Variants in PTGFRN observed in about 807,000 individuals in gnomAD.
PTGFRN encodes the protein prostaglandin F2 receptor negative regulator.
A neutral mutation model predicts 83.2 loss-of-function variants in PTGFRN; 35 were observed. The observed-to-expected ratio is 0.42, with a 90% confidence interval of 0.32 to 0.56. The LOEUF is 0.56. Among genes scored for constraint, PTGFRN ranks in the 20% least tolerant of loss-of-function variants. The probability of loss-of-function intolerance (pLI) is 0.11; values close to 1 mark genes in which losing one functional copy is unlikely to be tolerated. For synonymous variants in PTGFRN, 519 were observed against 498.6 expected (o/e 1.04, Z -0.55); for missense variants, 1,051 against 1,179.5 (o/e 0.89, Z 1.60).
chr1:116,983,261 C>CCCACACCATAAGGCACA (rs1651371603), intron 7 of PTGFRN, among the ~76,000 whole-genome samples: 1 of 152,110 alleles, frequency 6.6e-6, no homozygotes, highest in Non-Finnish European at 1.5e-5. Flanking sequence ...GAGCCTGGCT[C>CCCACACCATAAGGCACA]CCACACCATA....
At chr1:116,965,474 G>T (rs1650797760) in intron 5 of PTGFRN, among the ~76,000 whole-genome samples, 1 of 151,904 alleles carries the variant, frequency 6.6e-6, no homozygotes, top group Admixed American at 6.6e-5. Flanking sequence ...TTAGAGGCAC[G>T]GGGTTTTGCT....
chr1:116,985,617 A>G (rs12060742), intron 8 of PTGFRN, among the ~76,000 whole-genome samples: 26,475 of 151,688 alleles, frequency 0.17, 2,492 homozygotes, highest in Middle Eastern at 0.22. Context: ...CTGAAGCAGG[A>G]GAATTGCTTG....
chr1:116,976,324 C>A (rs1214501630), intron 7 of PTGFRN, among the ~76,000 whole-genome samples: 1 of 152,104 alleles, frequency 6.6e-6, no homozygotes, highest in African/African-American at 2.4e-5. Flanking sequence ...GTAGAACTTC[C>A]CCAACCTAGC....
Position 116,938,398 on chromosome 1 carries a change from C to T in PTGFRN, c.50-3317C>T, listed in dbSNP as rs553479351. ...GGCTGAGGAAGCCTCACAATCGTGG[C>T]GGAAGGCAAGGAGGGGCAAGTGACA... is the stretch of plus-strand genomic sequence containing the variant. On this transcript the variant is annotated intron_variant, in intron 1 of 8. Transcript: ENST00000393203. Among the ~76,000 whole-genome samples the T allele has an allele frequency of 4.6e-5, 7 of 152,154 alleles. 1 individual carries two copies. Among genetic ancestry groups the T allele is most frequent in the South Asian group, 2.1e-4 (1 of 4,826 alleles).
chr1:116,968,299 A>G (rs1433586925), intron 6 of PTGFRN, among the ~76,000 whole-genome samples: 1 of 152,142 alleles, frequency 6.6e-6, no homozygotes, highest in East Asian at 1.9e-4. Flanking sequence ...TGAATGCAAG[A>G]TATTTGTTGA....
chr1:116,964,542 T>A (rs74113322), intron 5 of PTGFRN, among the ~76,000 whole-genome samples: 6,180 of 152,232 alleles, frequency 0.041, 392 homozygotes, highest in African/African-American at 0.14. Context: ...CTTGGACTTC[T>A]TTTCTATTTA....
intron 7 of PTGFRN, among the ~76,000 whole-genome samples, chr1:116,980,832 T>A (rs1651298773): frequency 6.6e-6 from 1 of 152,178 alleles, no homozygotes. Context: ...TGTGCACATG[T>A]ACCCTAGAAC....
chr1:116,933,626 T>G (rs1482276641), intron 1 of PTGFRN, among the ~76,000 whole-genome samples: 1 of 152,232 alleles, frequency 6.6e-6, no homozygotes, highest in Admixed American at 6.5e-5. Flanking sequence ...TTGGTGCAAT[T>G]AATTCTTTTT....
intron 6 of PTGFRN, among the ~76,000 whole-genome samples, chr1:116,970,351 G>A (rs753549097): frequency 9.2e-5 from 14 of 152,068 alleles, no homozygotes; most frequent in Non-Finnish European, 1.9e-4. Context: ...ATGGAAAGGT[G>A]TTGAATGTGG....
intron 1 of PTGFRN, among the ~76,000 whole-genome samples, chr1:116,934,223 G>A (rs1649865962): frequency 6.6e-6 from 1 of 152,018 alleles, no homozygotes; most frequent in Non-Finnish European, 1.5e-5. Flanking sequence ...ATGGCTCACT[G>A]CAGCCTCCAT....
rs191479120 is a variant in PTGFRN, at chr1:116,938,138, T to G, written c.50-3577T>G. 5.3e-5 allele frequency among the ~76,000 whole-genome samples: 8 copies of G among 152,330 alleles called. 1 individual carries two copies. The highest frequency in any genetic ancestry group is 3.9e-4 in the Admixed American group (6 of 15,304). On this transcript the variant is annotated intron_variant, in intron 1 of 8. Coordinates refer to ENST00000393203, the MANE Select transcript of PTGFRN (RefSeq NM_020440.4). Reference sequence around the variant, plus strand: ...CTGTGGTAATGATGGCTTCAGAGAATTAGTCACTGCTGGGTAGTGATATAT... The same window carrying G: ...CTGTGGTAATGATGGCTTCAGAGAAGTAGTCACTGCTGGGTAGTGATATAT...
In PTGFRN at chr1:116,949,206, G is replaced by C. The variant is rs931214912; in HGVS notation, c.847G>C (p.Val283Leu). The change falls in exon 4 of 9, where the codon GTG becomes CTG. Residue 283 changes from valine to leucine, a missense_variant. Physicochemically the swap from Val to Leu is conservative, Grantham distance 32. Around this residue, in one of 3 missense-constraint regions of PTGFRN, gnomAD observed 719 missense variants for 836.6 expected, o/e 0.86. Transcript: ENST00000393203. ...VIQPSVLRAA[V>L]PKNVSVAEGK... ...TAATTTTCAAGTTCTGCGAGCAGCT[G>C]TGCCCAAGAATGTGTCTGTGGCTGA... is the stretch of plus-strand genomic sequence containing the variant. 1.9e-6 allele frequency: 3 copies of C among 1,589,194 alleles called. No homozygotes were observed. The highest frequency in any genetic ancestry group is 1.7e-5 in the Admixed American group (1 of 57,474).
chr1:116,976,591 T>C (rs1651162665), intron 7 of PTGFRN, among the ~76,000 whole-genome samples: 1 of 152,136 alleles, frequency 6.6e-6, no homozygotes, highest in Admixed American at 6.5e-5. Flanking sequence ...AGAAAAGCAT[T>C]TTCAACCCAG....
rs183450283 is a variant in PTGFRN, at chr1:116,976,140, G to A, written c.2167+1817G>A. Among the ~76,000 whole-genome samples, 786 of 152,268 alleles carry A rather than the reference G, an allele frequency of 5.2e-3. 2 individuals carry two copies. Among genetic ancestry groups the A allele is most frequent in the Non-Finnish European group, 9.1e-3 (617 of 68,026 alleles). On this transcript the variant is annotated intron_variant, in intron 7 of 8. Transcript: ENST00000393203. ...GGGTATCAGTGATTGAAGATCAAACGAATGAAATGAAGCGAGAAGAGAAGT... is the reference window on the plus strand; with the variant it reads ...GGGTATCAGTGATTGAAGATCAAACAAATGAAATGAAGCGAGAAGAGAAGT...
chr1:116,928,356 C>A (rs894639801), intron 1 of PTGFRN, among the ~76,000 whole-genome samples: 1 of 152,168 alleles, frequency 6.6e-6, no homozygotes. Flanking sequence ...AATTGTGATT[C>A]CCTGATTTTG....
rs751207346 is a variant in PTGFRN, at chr1:116,974,350, A to G, written c.2167+27A>G. ...TACCTCACTCCATCCTCACCCCTTC[A>G]CCATGTTGCTTTCTGTAAATGTTTC... On this transcript the variant is annotated intron_variant, in intron 7 of 8. Transcript: ENST00000393203. The G allele has an allele frequency of 6.0e-6, 9 of 1,496,626 alleles. No homozygotes were observed. In the South Asian group the frequency reaches 9.1e-5, roughly 15 times the overall value. The allele number at this position is 1,496,626 out of a possible 1,614,324, so 92.7% of individuals were successfully genotyped here. A position where few individuals can be genotyped will look rare whatever the true frequency, so the allele number is the denominator to read the frequency against.
intron 1 of PTGFRN, among the ~76,000 whole-genome samples, chr1:116,927,526 T>TTTTTTTTTC (rs979807026): frequency 1.7e-4 from 17 of 102,732 alleles, no homozygotes; most frequent in African/African-American, 1.0e-3. Flanking sequence ...CTTGCTTACC[T>TTTTTTTTTC]TTTTTTTTTT....
At chr1:116,910,754 C>T (rs964423105) in intron 1 of PTGFRN, among the ~76,000 whole-genome samples, 6 of 152,200 alleles carry the variant, frequency 3.9e-5, no homozygotes, top group Admixed American at 2.6e-4. Flanking sequence ...CCTCCAACTT[C>T]CTTCCACGAA....
intron 1 of PTGFRN, among the ~76,000 whole-genome samples, chr1:116,934,985 T>C (rs1332146483): frequency 2.6e-5 from 4 of 152,234 alleles, no homozygotes; most frequent in Non-Finnish European, 4.4e-5. Context: ...ACCACCTTCC[T>C]TTGTGGACTC....
Sources: allele counts gnomAD v4.1 joint callset (sites outside exome capture counted in the v4.1 genomes callset), GRCh38; gene constraint gnomAD v4.1.1; regional missense constraint gnomAD v4.1.1; transcripts MANE v1.5; gene names NCBI Gene and HGNC (gene_info 2026-07-23, HGNC 2026-07-21).